ASTN2: variants seen among roughly 807,000 people sequenced by gnomAD.
ASTN2 encodes astrotactin-2.
Under a neutral mutation model 139.8 loss-of-function variants are expected in ASTN2, and 54 were observed. The ratio of observed to expected loss-of-function variants is 0.39; its 90% CI spans 0.31 to 0.48. The LOEUF (loss-of-function observed/expected upper bound fraction) is 0.48. Among genes scored for constraint, ASTN2 ranks in the 20% least tolerant of loss-of-function variants. The probability of loss-of-function intolerance (pLI) is 0.95; values close to 1 mark genes in which losing one functional copy is unlikely to be tolerated. For missense variants in ASTN2, 1,565 were observed against 1,725.1 expected, an observed-to-expected ratio of 0.91 and a Z score of 1.64; for synonymous variants, 756 against 719.5, an observed-to-expected ratio of 1.05 and a Z score of -0.81.
At chr9:116,597,304 T>TGTTTTTTTTTTG (rs949074211) in intron 19 of ASTN2, among the ~76,000 whole-genome samples, 1 of 133,440 alleles carries the variant, frequency 7.5e-6, no homozygotes, top group South Asian at 2.8e-4. Flanking sequence ...GATCTATTTT[T>TGTTTTTTTTTTG]TTTTTTTTTT....
chr9:116,836,757 C>A (rs1222624272), intron 11 of ASTN2, among the ~76,000 whole-genome samples: 1 of 152,058 alleles, frequency 6.6e-6, no homozygotes, highest in Non-Finnish European at 1.5e-5. Flanking sequence ...CAATGCTCCA[C>A]CTTTCAGTCT....
intron 1 of ASTN2, among the ~76,000 whole-genome samples, chr9:117,405,931 T>G (rs1830972768): frequency 6.6e-6 from 1 of 152,318 alleles, no homozygotes; most frequent in South Asian, 2.1e-4. Flanking sequence ...CAGGAGAAGG[T>G]AGCAGCAATG....
intron 10 of ASTN2, among the ~76,000 whole-genome samples, chr9:116,873,797 G>T (rs10759870): frequency 0.35 from 52,594 of 151,892 alleles, 9,811 homozygotes; most frequent in East Asian, 0.53. Context: ...CACGAGATCT[G>T]GTTGTGTAAA....
intron 19 of ASTN2, among the ~76,000 whole-genome samples, chr9:116,606,479 T>C (rs1003372106): frequency 3.3e-5 from 5 of 152,182 alleles, no homozygotes; most frequent in African/African-American, 1.2e-4. Flanking sequence ...CCTATGCCTG[T>C]GCACATGCAC....
At chr9:116,477,018 G>A (rs1484892520) in intron 20 of ASTN2, among the ~76,000 whole-genome samples, 21 of 152,070 alleles carry the variant, frequency 1.4e-4, no homozygotes. Context: ...TAGCCCTCCA[G>A]CGCAGCCTCA....
intron 7 of ASTN2, among the ~76,000 whole-genome samples, chr9:116,980,805 C>T (rs918905911): frequency 6.6e-6 from 1 of 152,208 alleles, no homozygotes; most frequent in African/African-American, 2.4e-5. Context: ...CCAGGCATTT[C>T]CTTCTTGACA....
intron 10 of ASTN2, among the ~76,000 whole-genome samples, chr9:116,954,541 G>A (rs1835656351): frequency 6.6e-6 from 1 of 152,146 alleles, no homozygotes; most frequent in African/African-American, 2.4e-5. Flanking sequence ...CAGGCTTACT[G>A]GGCCATAAGT....
chr9:116,898,243 C>CA (rs1188225380), intron 10 of ASTN2, among the ~76,000 whole-genome samples: 2 of 151,600 alleles, frequency 1.3e-5, no homozygotes, highest in African/African-American at 4.9e-5. Flanking sequence ...CCTATCTCTA[C>CA]AAAAAATAGA....
At chr9:116,543,113 T>G (rs1237900584) in intron 19 of ASTN2, among the ~76,000 whole-genome samples, 1 of 151,740 alleles carries the variant, frequency 6.6e-6, no homozygotes, top group African/African-American at 2.4e-5. Flanking sequence ...TTTGGTTGGT[T>G]GGTTGTTTTT....
intron 20 of ASTN2, among the ~76,000 whole-genome samples, chr9:116,467,188 T>C (rs985041859): frequency 6.6e-6 from 1 of 152,148 alleles, no homozygotes; most frequent in Non-Finnish European, 1.5e-5. Context: ...TCCATCTTCA[T>C]ACCCCTCATA....
Position 116,617,470 on chromosome 9 carries a change from T to A in ASTN2, c.3355+854A>T, listed in dbSNP as rs566891300. ...ATTTAATTGGGCAAATAATTATACTTCTTTAATTCTTTAAATAGCCAAGTC... is the reference window on the plus strand; with the variant it reads ...ATTTAATTGGGCAAATAATTATACTACTTTAATTCTTTAAATAGCCAAGTC... On this transcript the variant is annotated intron_variant, in intron 19 of 22. Transcript: ENST00000313400. 4.6e-5 allele frequency among the ~76,000 whole-genome samples: 7 copies of A among 152,298 alleles called. No homozygotes were observed. The South Asian group carries it at 1.4e-3, about 32-fold the overall frequency.
chr9:116,673,323 C>G (rs1859312116), intron 16 of ASTN2, among the ~76,000 whole-genome samples: 1 of 152,166 alleles, frequency 6.6e-6, no homozygotes, highest in Admixed American at 6.5e-5. Context: ...CATATCTCAT[C>G]TTGCTCCCAA....
intron 22 of ASTN2, chr9:116,437,468 G>T (rs939925257): frequency 2.1e-6 from 1 of 471,258 alleles, no homozygotes; most frequent in African/African-American, 2.0e-5. Context: ...GCTGGTGACT[G>T]CCTGACTAGG....
rs143907090 is a variant in ASTN2 at position 117,148,004 on chromosome 9, C to G, written c.1016-6526G>C. 4.4e-3 allele frequency among the ~76,000 whole-genome samples: 663 copies of G among 152,290 alleles called. 4 individuals are homozygous for G. The highest frequency in any genetic ancestry group is 0.015 in the African/African-American group (619 of 41,560). ...AAGAGCCCTAGGAAATCTGGTGCTG[C>G]CTGAAACCAGTGAGTGGCTTGACTT... On this transcript the variant is annotated intron_variant, in intron 3 of 22. Transcript: ENST00000313400.
chr9:116,883,612 T>C (rs898720031), intron 10 of ASTN2, among the ~76,000 whole-genome samples: 1 of 152,198 alleles, frequency 6.6e-6, no homozygotes. Flanking sequence ...GTATTTACTC[T>C]TGGGAATCTG....
intron 19 of ASTN2, among the ~76,000 whole-genome samples, chr9:116,528,661 C>CA (rs1851197517): frequency 6.6e-6 from 1 of 152,204 alleles, no homozygotes; most frequent in Non-Finnish European, 1.5e-5. Context: ...ATTTTCACAG[C>CA]AGCCCCTCTC....
intron 13 of ASTN2, among the ~76,000 whole-genome samples, chr9:116,740,735 C>T (rs1829077409): frequency 6.6e-6 from 1 of 151,776 alleles, no homozygotes; most frequent in Non-Finnish European, 1.5e-5. Flanking sequence ...AGGATGGTCT[C>T]TATCTCCTGA....
chr9:116,604,091 G>T (rs1040246630), intron 19 of ASTN2, among the ~76,000 whole-genome samples: 4 of 152,040 alleles, frequency 2.6e-5, no homozygotes, highest in Non-Finnish European at 5.9e-5. Context: ...TTGCTAAATT[G>T]TACCACTCTC....
At chr9:116,722,734 T>G (rs1358705122) in intron 16 of ASTN2, among the ~76,000 whole-genome samples, 2 of 152,120 alleles carry the variant, frequency 1.3e-5, no homozygotes, top group Admixed American at 6.5e-5. Context: ...TGCTCATGGT[T>G]GTTATCCATG....
Sources: allele counts gnomAD v4.1 joint callset (sites outside exome capture counted in the v4.1 genomes callset), GRCh38; gene constraint gnomAD v4.1.1; transcripts MANE v1.5; gene names NCBI Gene and HGNC (gene_info 2026-07-23, HGNC 2026-07-21).